CRYBG1: variants seen among roughly 807,000 people sequenced by gnomAD.
The protein encoded by CRYBG1 is crystallin beta-gamma domain containing 1.
A neutral mutation model predicts 189.2 loss-of-function variants in CRYBG1; 139 were observed. The observed-to-expected ratio is 0.73, with a 90% CI of 0.64 to 0.85. The LOEUF is 0.85. Among genes scored for constraint, CRYBG1 ranks in the 40% least tolerant of loss-of-function variants. The probability of loss-of-function intolerance (pLI) is 0.00; values close to 1 mark genes in which losing one functional copy is unlikely to be tolerated. For synonymous variants in CRYBG1, 1,023 were observed against 1,017.1 expected, an observed-to-expected ratio of 1.01 and a Z score of -0.11; for missense variants, 2,611 against 2,675.8, an observed-to-expected ratio of 0.98 and a Z score of 0.53.
At chr6:106,542,258 A>G (rs749537756) in intron 10 of CRYBG1, among the ~76,000 whole-genome samples, 62 of 141,708 alleles carry the variant, frequency 4.4e-4, no homozygotes, top group Non-Finnish European at 1.5e-4. Flanking sequence ...TCTTTTTACT[A>G]TCTTATCAGA....
intron 1 of CRYBG1, among the ~76,000 whole-genome samples, chr6:106,429,019 A>G (rs1771277586): frequency 6.6e-6 from 1 of 152,256 alleles, no homozygotes; most frequent in Non-Finnish European, 1.5e-5. Context: ...GTATTAGAAC[A>G]ACTTCTCTTT....
At chr6:106,558,762 A>G (rs1163195385) in intron 18 of CRYBG1, 137 bp downstream of exon 18, 3 of 701,062 alleles carry the variant, frequency 4.3e-6, no homozygotes, top group Non-Finnish European at 6.5e-6. Context: ...CAGGGATTCA[A>G]GAAAAGCCTG....
chr6:106,520,398 G>A lies in CRYBG1; in HGVS notation c.3190G>A (p.Gly1064Arg), dbSNP rs201201445. 40 of 1,614,104 alleles carry A rather than the reference G, an allele frequency of 2.5e-5. No homozygotes were observed. Among genetic ancestry groups the A allele is most frequent in the East Asian group, 1.3e-4 (6 of 44,892 alleles). Reference sequence around the variant, plus strand: ...CAGTCCCACCAACTCTCCCAGCAGCGGAAATCACTTAGCCACTCCTCAAAG... The same window carrying A: ...CAGTCCCACCAACTCTCCCAGCAGCAGAAATCACTTAGCCACTCCTCAAAG... ...ESSPTNSPSS[G>R]NHLATPQRPD... Residue 1064 changes from glycine to arginine, a missense_variant, in exon 4 of 22, where the codon GGA becomes AGA. Coordinates refer to ENST00000633556, the MANE Select transcript of CRYBG1 (RefSeq NM_001371242.2).
intron 1 of CRYBG1, among the ~76,000 whole-genome samples, chr6:106,409,248 A>C (rs866463497): frequency 6.6e-6 from 1 of 152,246 alleles, no homozygotes; most frequent in Non-Finnish European, 1.5e-5. Flanking sequence ...AGAGAGCCAG[A>C]TCATGAGTGA....
At chr6:106,383,955 A>G (rs1770335177) in intron 1 of CRYBG1, among the ~76,000 whole-genome samples, 1 of 152,152 alleles carries the variant, frequency 6.6e-6, no homozygotes, top group African/African-American at 2.4e-5. Flanking sequence ...GCACAGAGAG[A>G]AAAAAAGAAG....
chr6:106,561,766 A>C (rs1774726811), intron 20 of CRYBG1, among the ~76,000 whole-genome samples: 1 of 152,236 alleles, frequency 6.6e-6, no homozygotes, highest in African/African-American at 2.4e-5. Context: ...AGAAAAAGGA[A>C]GTGTGTTATT....
intron 3 of CRYBG1, among the ~76,000 whole-genome samples, chr6:106,517,481 T>C (rs1562099316): frequency 6.8e-6 from 1 of 147,902 alleles, no homozygotes; most frequent in African/African-American, 2.5e-5. Context: ...CACATATATA[T>C]ATACACACAC....
At chr6:106,467,953 T>C (rs1327540641) in intron 2 of CRYBG1, among the ~76,000 whole-genome samples, 1 of 152,102 alleles carries the variant, frequency 6.6e-6, no homozygotes, top group African/African-American at 2.4e-5. Flanking sequence ...GGTCCTGAAG[T>C]AGGTTTAGAG....
chr6:106,363,061 C>A (rs1480370955), intron 1 of CRYBG1, among the ~76,000 whole-genome samples: 2 of 151,180 alleles, frequency 1.3e-5, no homozygotes, highest in African/African-American at 2.4e-5. Flanking sequence ...CTGGCTAACA[C>A]GGTGAAACCC....
At chr6:106,439,082 A>G (rs554291066) in intron 1 of CRYBG1, among the ~76,000 whole-genome samples, 52 of 150,946 alleles carry the variant, frequency 3.4e-4, no homozygotes, top group African/African-American at 1.1e-3. Context: ...AAATATTTTG[A>G]GTGGTTCCCA....
intron 2 of CRYBG1, among the ~76,000 whole-genome samples, chr6:106,480,337 A>T (rs1369643287): frequency 6.6e-6 from 1 of 152,090 alleles, no homozygotes; most frequent in East Asian, 1.9e-4. Context: ...AGGATTGCAC[A>T]CTGTAGCCTG....
chr6:106,383,881 T>G (rs1018727343), intron 1 of CRYBG1, among the ~76,000 whole-genome samples: 7 of 152,230 alleles, frequency 4.6e-5, no homozygotes, highest in African/African-American at 1.7e-4. Flanking sequence ...TTTTTGAGAT[T>G]AGTACATGGG....
chr6:106,379,284 CAG>C (rs1770240173), intron 1 of CRYBG1, among the ~76,000 whole-genome samples: 2 of 150,138 alleles, frequency 1.3e-5, no homozygotes, highest in South Asian at 4.2e-4. Flanking sequence ...TTTTTCGAGA[CAG>C]AGTCTCTCTC....
intron 2 of CRYBG1, among the ~76,000 whole-genome samples, chr6:106,490,569 G>A (rs1772697611): frequency 1.3e-5 from 2 of 152,150 alleles, no homozygotes; most frequent in South Asian, 2.1e-4. Flanking sequence ...GCTGAAATAT[G>A]TTTATATGAA....
At chr6:106,491,366 G>A (rs1302847476) in intron 2 of CRYBG1, among the ~76,000 whole-genome samples, 2 of 152,152 alleles carry the variant, frequency 1.3e-5, no homozygotes, top group African/African-American at 4.8e-5. Flanking sequence ...TTACAAACTG[G>A]AGCTTATATT....
intron 2 of CRYBG1, among the ~76,000 whole-genome samples, chr6:106,459,545 GTTTT>G (rs35095662): frequency 2.2e-5 from 3 of 138,936 alleles, no homozygotes; most frequent in Admixed American, 7.1e-5. Flanking sequence ...CCATTTGTGG[GTTTT>G]TTTTTTTTTT....
intron 1 of CRYBG1, 38 bp from the exon 2 acceptor site, chr6:106,451,656 A>C (rs999610365): frequency 3.3e-6 from 5 of 1,494,356 alleles, no homozygotes. Flanking sequence ...GGCATTGTTC[A>C]TAGTGTATTG....
chr6:106,568,261 T>G (rs9486406), intron 21 of CRYBG1, among the ~76,000 whole-genome samples: 30,096 of 151,964 alleles, frequency 0.2, 3,504 homozygotes, highest in East Asian at 0.34. Context: ...GGTGCCCCAA[T>G]GGTGGGATCT....
chr6:106,449,181 T>C (rs1362003344), intron 1 of CRYBG1, among the ~76,000 whole-genome samples: 1 of 152,206 alleles, frequency 6.6e-6, no homozygotes, highest in Non-Finnish European at 1.5e-5. Context: ...CGTAAGTATC[T>C]AGGAAGAAGA....
Sources: allele counts gnomAD v4.1 joint callset (sites outside exome capture counted in the v4.1 genomes callset), GRCh38; gene constraint gnomAD v4.1.1; transcripts MANE v1.5; gene names NCBI Gene and HGNC (gene_info 2026-07-23, HGNC 2026-07-21).